STPG4: variants seen among roughly 807,000 people sequenced by gnomAD.
The protein encoded by STPG4 is sperm-tail PG-rich repeat containing 4.
A neutral mutation model predicts 31.5 loss-of-function variants in STPG4; 41 were observed. The observed-to-expected ratio is 1.30, with a 90% CI of 1.01 to 1.69. The LOEUF (loss-of-function observed/expected upper bound fraction) is 1.69. Ranked by LOEUF, STPG4 falls within the 40% of genes most tolerant of loss-of-function variation. The probability of loss-of-function intolerance (pLI) is 0.00; values close to 1 mark genes in which losing one functional copy is unlikely to be tolerated. For synonymous variants in STPG4, 141 were observed against 103.0 expected (o/e 1.37, Z -2.24); for missense variants, 375 against 293.4 (o/e 1.28, Z -2.03).
chr2:47,124,434 T>C (rs903176031), intron 5 of STPG4, among the ~76,000 whole-genome samples: 1 of 152,192 alleles, frequency 6.6e-6, no homozygotes, highest in African/African-American at 2.4e-5. Context: ...CTTCTTAGTC[T>C]CTGGTATCCA....
At chr2:47,135,225 T>C (rs1686572499) in intron 3 of STPG4, among the ~76,000 whole-genome samples, 1 of 152,236 alleles carries the variant, frequency 6.6e-6, no homozygotes, top group Admixed American at 6.5e-5. Context: ...ATTTCTTTCA[T>C]GGATCATGCT....
chr2:47,132,007 A>G lies in STPG4; in HGVS notation c.400-1747T>C, dbSNP rs112938502. Among the ~76,000 whole-genome samples, 604 of 152,232 alleles carry G rather than the reference A, an allele frequency of 4.0e-3. 4 individuals are homozygous for G. The highest frequency in any genetic ancestry group is 0.014 in the African/African-American group (568 of 41,544). The stretch of plus-strand genomic sequence containing the variant: ...TGGCAAAACCCTGTCTCTACTAAAC[A>G]TACAATGATTAGCCAGGCGTGGTGG... On this transcript the variant is annotated intron_variant, in intron 3 of 6. Coordinates refer to ENST00000445927, the MANE Select transcript of STPG4 (RefSeq NM_001163561.2).
At chr2:47,106,762 C>A (rs1685920081) in intron 5 of STPG4, among the ~76,000 whole-genome samples, 1 of 151,994 alleles carries the variant, frequency 6.6e-6, no homozygotes, top group African/African-American at 2.4e-5. Flanking sequence ...GGCAACATGG[C>A]TTCTCCCCTT....
chr2:47,149,995 A>G (rs1686904315), intron 3 of STPG4, among the ~76,000 whole-genome samples: 2 of 152,232 alleles, frequency 1.3e-5, no homozygotes, highest in East Asian at 3.8e-4. Flanking sequence ...TTTGGTGCAG[A>G]AGCCCTCAGT....
intron 5 of STPG4, among the ~76,000 whole-genome samples, chr2:47,095,861 G>A (rs904476470): frequency 1.3e-5 from 2 of 152,100 alleles, no homozygotes; most frequent in African/African-American, 4.8e-5. Flanking sequence ...AATTCCAAGG[G>A]GAAGCCTTCA....
chr2:47,096,966 A>T (rs560217171), intron 5 of STPG4, among the ~76,000 whole-genome samples: 7 of 152,126 alleles, frequency 4.6e-5, no homozygotes, highest in Admixed American at 4.6e-4. Flanking sequence ...AGGGGAGGCC[A>T]CGGGGAGAGG....
rs574276257 is a variant in STPG4 at position 47,087,152 on chromosome 2, G to A, written c.625-22C>T. On this transcript the variant is annotated intron_variant, in intron 6 of 6. Coordinates refer to ENST00000445927, the MANE Select transcript of STPG4 (RefSeq NM_001163561.2). ...TTTTCTGAAAACAGAGCAGAAAACA[G>A]GGACTGATGAGACAGTGAAACCAAA... The A allele has an allele frequency of 1.9e-5, 30 of 1,551,006 alleles. No individual in the cohort carries two copies. In the East Asian group the frequency reaches 7.1e-4, roughly 37 times the overall value.
intron 5 of STPG4, among the ~76,000 whole-genome samples, chr2:47,111,167 A>G (rs906409480): frequency 1.3e-5 from 2 of 152,192 alleles, no homozygotes; most frequent in African/African-American, 4.8e-5. Flanking sequence ...CCAGCAATAG[A>G]CAAGAAAAGC....
intron 5 of STPG4, among the ~76,000 whole-genome samples, chr2:47,112,341 T>G (rs138600765): frequency 5.6e-5 from 8 of 142,576 alleles, no homozygotes; most frequent in African/African-American, 2.4e-4. Context: ...TAATTTTTGT[T>G]TTTTTTTTTA....
At chr2:47,091,635 A>C (rs1055523150) in intron 5 of STPG4, among the ~76,000 whole-genome samples, 3 of 152,192 alleles carry the variant, frequency 2.0e-5, no homozygotes, top group Non-Finnish European at 4.4e-5. Flanking sequence ...AGTGGGTGGG[A>C]GTATTAACCC....
At chr2:47,139,215 T>C (rs1327341643) in intron 3 of STPG4, among the ~76,000 whole-genome samples, 1 of 152,242 alleles carries the variant, frequency 6.6e-6, no homozygotes, top group East Asian at 1.9e-4. Context: ...CATCTATTTC[T>C]CCTTGCAGTT....
At chr2:47,107,335 T>C (rs1382693624) in intron 5 of STPG4, among the ~76,000 whole-genome samples, 1 of 151,918 alleles carries the variant, frequency 6.6e-6, no homozygotes, top group Non-Finnish European at 1.5e-5. Flanking sequence ...CCAGCTGGAG[T>C]TCCGGGTGGG....
chr2:47,151,070 T>C (rs1686925541), intron 3 of STPG4, among the ~76,000 whole-genome samples, 188 bp downstream of exon 3: 1 of 152,066 alleles, frequency 6.6e-6, no homozygotes, highest in Non-Finnish European at 1.5e-5. Context: ...TAAGAAGATG[T>C]TATAGGGAAA....
intron 3 of STPG4, among the ~76,000 whole-genome samples, chr2:47,149,335 C>G (rs1270058682): frequency 6.6e-6 from 1 of 152,134 alleles, no homozygotes; most frequent in East Asian, 1.9e-4. Flanking sequence ...GGGCCTTTGG[C>G]TGATTTTCAG....
At chr2:47,123,814 T>C (rs922143251) in intron 5 of STPG4, among the ~76,000 whole-genome samples, 8 of 152,182 alleles carry the variant, frequency 5.3e-5, no homozygotes, top group Non-Finnish European at 1.0e-4. Flanking sequence ...AAAATGTTTA[T>C]GGCCACATAG....
chr2:47,133,570 C>CTTTTGTT (rs1686532872), intron 3 of STPG4, among the ~76,000 whole-genome samples: 1 of 67,142 alleles, frequency 1.5e-5, no homozygotes, highest in Admixed American at 2.7e-4. Context: ...GCACTCAAAT[C>CTTTTGTT]TTTTTTTTTT....
intron 5 of STPG4, among the ~76,000 whole-genome samples, chr2:47,091,752 G>C (rs1685573750): frequency 1.3e-5 from 2 of 152,122 alleles, no homozygotes; most frequent in African/African-American, 4.8e-5. Context: ...ACAAAACGGA[G>C]TTTAAGATGA....
At chr2:47,104,102 T>C (rs917402250) in intron 5 of STPG4, among the ~76,000 whole-genome samples, 1 of 151,948 alleles carries the variant, frequency 6.6e-6, no homozygotes. Context: ...TACATGAATA[T>C]GGGGAACAAG....
intron 3 of STPG4, among the ~76,000 whole-genome samples, chr2:47,147,666 A>G (rs1390777089): frequency 6.6e-6 from 1 of 152,126 alleles, no homozygotes; most frequent in Non-Finnish European, 1.5e-5. Context: ...AGTAGTGAAA[A>G]GAGTGACAGT....
Sources: allele counts gnomAD v4.1 joint callset (sites outside exome capture counted in the v4.1 genomes callset), GRCh38; gene constraint gnomAD v4.1.1; transcripts MANE v1.5; gene names NCBI Gene and HGNC (gene_info 2026-07-23, HGNC 2026-07-21).